TMEM67: variants seen among roughly 807,000 people sequenced by gnomAD.
TMEM67 encodes meckelin.
TMEM67 carries 124 observed loss-of-function variants against 136.6 expected under a neutral mutation model. The observed-to-expected ratio is 0.91, with a 90% CI of 0.78 to 1.05. The LOEUF is 1.05. TMEM67 is among the 50% of genes least tolerant of loss of function. The pLI is 0.00. For synonymous variants in TMEM67, 364 were observed against 390.5 expected (o/e 0.93, Z 0.80); for missense variants, 1,107 against 1,178.4 (o/e 0.94, Z 0.89).
At position 93,797,215 on chromosome 8, in the gene TMEM67, G is replaced by A. The variant is rs764882441; in HGVS notation, c.1942G>A (p.Val648Ile). 3.0e-5 allele frequency: 49 copies of A among 1,612,934 alleles called. No individual in the cohort carries two copies. Among genetic ancestry groups the A allele is most frequent in the Non-Finnish European group, 3.9e-5 (46 of 1,179,070 alleles). ...TGATTGGGAGCGACCTAAAGGAAAG[G>A]TTCTTAAAGCTGTTGAAGGTAACTG... is the stretch of plus-strand genomic sequence containing the variant. The part of the protein sequence containing the change: ...FIDWERPKGK[V>I]LKAVEGEGGV... The change falls in exon 19 of 28, where the codon GTT becomes ATT. Residue 648 changes from valine to isoleucine, a missense_variant. Transcript: ENST00000453321.
At chr8:93,809,337 A>C (rs1393510764) in intron 25 of TMEM67, among the ~76,000 whole-genome samples, 176 bp downstream of exon 25, 1 of 152,190 alleles carries the variant, frequency 6.6e-6, no homozygotes, top group African/African-American at 2.4e-5. Flanking sequence ...ATATTTTTAA[A>C]AGACATTTCT....
chr8:93,758,566 C>T lies in TMEM67; in HGVS notation c.396C>T (p.Gly132=). 1 of 1,612,262 alleles carries T rather than the reference C, an allele frequency of 6.2e-7. No individual in the cohort carries two copies. The highest frequency in any genetic ancestry group is 1.1e-5 in the South Asian group (1 of 90,994). ...TAEGKCHCPI[G]HILVERDING... is the part of the protein sequence containing the mutation. The stretch of plus-strand genomic sequence containing the variant: ...AAGGAAAATGTCACTGTCCCATTGG[C>T]CATATTTTAGGTAAGAATTAGATTC... The change falls in exon 3 of 28, where the codon GGC becomes GGT. Residue 132 remains glycine, a synonymous_variant. Transcript: ENST00000453321.
At chr8:93,796,522 A>T (rs1814625475) in intron 18 of TMEM67, among the ~76,000 whole-genome samples, 1 of 152,138 alleles carries the variant, frequency 6.6e-6, no homozygotes, top group Non-Finnish European at 1.5e-5. Flanking sequence ...TTTTCCACTG[A>T]CTGGGAGCTT....
chr8:93,799,267 A>G (rs952875053), intron 20 of TMEM67, among the ~76,000 whole-genome samples: 6 of 152,170 alleles, frequency 3.9e-5, no homozygotes, highest in African/African-American at 1.4e-4. Flanking sequence ...GGCACATGTC[A>G]AATACTCATG....
intron 18 of TMEM67, 26 bp from the exon 19 acceptor site, chr8:93,797,108 G>A: frequency 7.3e-7 from 1 of 1,370,272 alleles, no homozygotes; most frequent in Non-Finnish European, 1.0e-6. Flanking sequence ...TACTTTTTCA[G>A]GTGTTTTATT....
At chr8:93,783,261 C>T (rs1813931015) in intron 11 of TMEM67, among the ~76,000 whole-genome samples, 1 of 152,222 alleles carries the variant, frequency 6.6e-6, no homozygotes, top group Admixed American at 6.5e-5. Context: ...GCTGGGATTA[C>T]AGGTGTGAGC....
chr8:93,808,531 ATATC>A (rs1333187664), intron 23 of TMEM67, among the ~76,000 whole-genome samples: 1 of 5,308 alleles, frequency 1.9e-4, no homozygotes, highest in East Asian at 7.1e-3. Flanking sequence ...TAATCTATAT[ATATC>A]TATAATCTAT....
chr8:93,795,856 A>C lies in TMEM67; in HGVS notation c.1774-45A>C, dbSNP rs73694960. 2,437 of 1,416,354 alleles carry C rather than the reference A, an allele frequency of 1.7e-3. 19 individuals carry two copies. The African/African-American group carries it at 0.022, about 13-fold the overall frequency. The allele number at this position is 1,416,354 out of a possible 1,614,324, so 87.7% of individuals were successfully genotyped here. ...AACAAAAAACAAACAAACAAACAAA[A>C]AAAACTGTGTGTGATAATATTTAAT... On this transcript the variant is annotated intron_variant, in intron 17 of 27. Coordinates refer to ENST00000453321, the MANE Select transcript of TMEM67 (RefSeq NM_153704.6).
chr8:93,787,789 T>C (rs1247060719), intron 13 of TMEM67, 55 bp from the exon 14 acceptor site: 2 of 1,308,300 alleles, frequency 1.5e-6, no homozygotes, highest in African/African-American at 1.5e-5. Context: ...AAGTTAAATG[T>C]ATGTTTAAAG....
the TMEM67 span, among the ~76,000 whole-genome samples, chr8:93,831,854 C>A: frequency 1.3e-5 from 2 of 152,146 alleles, no homozygotes; most frequent in Non-Finnish European, 1.5e-5. Context: ...TGTTCTTCTA[C>A]CACTTCACCT....
At chr8:93,760,768 C>G (rs1251226695) in intron 3 of TMEM67, among the ~76,000 whole-genome samples, 1 of 151,730 alleles carries the variant, frequency 6.6e-6, no homozygotes, top group East Asian at 1.9e-4. Flanking sequence ...AACCAAACTA[C>G]AAACTAAAGA....
At chr8:93,827,579 C>CTTTTTTTTTTT in the TMEM67 span, among the ~76,000 whole-genome samples, 2 of 136,474 alleles carry the variant, frequency 1.5e-5, no homozygotes, top group African/African-American at 5.4e-5. Context: ...TGTATTTTTT[C>CTTTTTTTTTTT]TTTTTTTTTT....
At chr8:93,787,811 C>T in intron 13 of TMEM67, 33 bp from the exon 14 acceptor site, 1 of 1,496,298 alleles carries the variant, frequency 6.7e-7, no homozygotes, top group Non-Finnish European at 9.3e-7. Flanking sequence ...CCCGGATATA[C>T]TGATTACTAT....
Position 93,765,666 on chromosome 8 carries a change from T to G in TMEM67, c.651+20T>G, listed in dbSNP as rs767640779. On this transcript the variant is annotated intron_variant, in intron 6 of 27. Coordinates refer to ENST00000453321, the MANE Select transcript of TMEM67 (RefSeq NM_153704.6). ...GAAGTTGTGAGTATGTTTCAATTTT[T>G]TTGTTCTGTTGTTAAAAAACTTTCT... The G allele has an allele frequency of 7.6e-6, 12 of 1,573,644 alleles. No individual in the cohort carries two copies. Among genetic ancestry groups the G allele is most frequent in the Non-Finnish European group, 1.0e-5 (12 of 1,143,248 alleles).
intron 11 of TMEM67, among the ~76,000 whole-genome samples, chr8:93,783,302 A>G (rs560212882): frequency 2.6e-4 from 40 of 152,288 alleles, no homozygotes; most frequent in Admixed American, 7.2e-4. Context: ...CTTAAACATC[A>G]TATAATATTA....
chr8:93,831,114 G>A, the TMEM67 span, among the ~76,000 whole-genome samples: 43 of 152,224 alleles, frequency 2.8e-4, no homozygotes, highest in Non-Finnish European at 5.3e-4. Context: ...CACATGGGGA[G>A]CATAGAAAGC....
intron 20 of TMEM67, among the ~76,000 whole-genome samples, chr8:93,798,939 AGTAGT>A (rs1349152106): frequency 1.4e-4 from 18 of 125,418 alleles, no homozygotes; most frequent in Admixed American, 5.1e-4. Context: ...TTTGTACTAA[AGTAGT>A]GTGTGTGTGT....
chr8:93,778,867 G>C, intron 7 of TMEM67, among the ~76,000 whole-genome samples: 1 of 152,010 alleles, frequency 6.6e-6, no homozygotes, highest in East Asian at 1.9e-4. Flanking sequence ...TCTTTGTTTT[G>C]TTCTCTGTAT....
Position 93,804,882 on chromosome 8 carries a change from T to G in TMEM67, c.2439+4T>G. On this transcript the variant is annotated splice_donor_region_variant and intron_variant, in intron 23 of 27. Transcript: ENST00000453321. ...TATGAACCTTAAAAGAGAAGCGGTA[T>G]GAAAATGTTTTACATCTTTTTGTTT... is the stretch of plus-strand genomic sequence containing the variant. The G allele has an allele frequency of 1.3e-4, 193 of 1,481,148 alleles. No homozygotes were observed. The highest frequency in any genetic ancestry group is 1.7e-4 in the Non-Finnish European group (177 of 1,059,030). The allele number at this position is 1,481,148 out of a possible 1,614,324, so 91.8% of individuals were successfully genotyped here.
Sources: gnomAD v4.1 joint callset for allele counts (sites outside exome capture counted in the v4.1 genomes callset) on GRCh38, gnomAD v4.1.1 for gene constraint, MANE v1.5 for transcripts, NCBI Gene and HGNC (gene_info 2026-07-23, HGNC 2026-07-21) for gene names.